The following ADGRB3 variants were observed in gnomAD, a reference collection of about 807,000 sequenced individuals.
ADGRB3 encodes the protein brain-specific angiogenesis inhibitor 3.
A neutral mutation model predicts 193.4 loss-of-function variants in ADGRB3; 37 were observed. The observed-to-expected ratio is 0.19, with a 90% CI of 0.15 to 0.25. ADGRB3 has a LOEUF of 0.25. Ranked by LOEUF, ADGRB3 falls within the 10% of genes least tolerant of loss-of-function variation. The pLI is 1.00. For synonymous variants in ADGRB3, 690 were observed against 644.2 expected (o/e 1.07, Z -1.08); for missense variants, 1,637 against 1,852.9 (o/e 0.88, Z 2.14).
intron 6 of ADGRB3, among the ~76,000 whole-genome samples, chr6:68,953,957 G>T (rs1265711087): frequency 6.6e-6 from 1 of 152,204 alleles, no homozygotes; most frequent in South Asian, 2.1e-4. Context: ...TTGGAAAAAA[G>T]TAGACATCCA....
chr6:69,341,874 A>G (rs1324258355), intron 26 of ADGRB3, among the ~76,000 whole-genome samples: 1 of 152,146 alleles, frequency 6.6e-6, no homozygotes, highest in Non-Finnish European at 1.5e-5. Context: ...AGAAGATACT[A>G]ATACCTTAGG....
In ADGRB3 at chr6:69,126,272, T is replaced by C. The variant is rs145776469; in HGVS notation, c.2480+50234T>C. Among the ~76,000 whole-genome samples the C allele has an allele frequency of 3.8e-3, 583 of 151,686 alleles. 2 individuals carry two copies. Among genetic ancestry groups the C allele is most frequent in the African/African-American group, 5.1e-3 (210 of 41,386 alleles). On this transcript the variant is annotated intron_variant, in intron 17 of 31. Coordinates refer to ENST00000370598, the MANE Select transcript of ADGRB3 (RefSeq NM_001704.3). ...ATACATACATACATACATACATACA[T>C]ACACACATAGATAAAGACATATGAG...
chr6:68,815,326 A>T (rs374941224), intron 3 of ADGRB3, among the ~76,000 whole-genome samples: 1 of 152,146 alleles, frequency 6.6e-6, no homozygotes, highest in African/African-American at 2.4e-5. Context: ...GGCCTTATTT[A>T]GTTTTGAATT....
At chr6:68,975,195 C>T (rs1348133520) in intron 9 of ADGRB3, 39 bp from the exon 10 acceptor site, 1 of 1,539,042 alleles carries the variant, frequency 6.5e-7, no homozygotes, top group African/African-American at 1.4e-5. Context: ...TTCAAACATC[C>T]CTATTATAAA....
chr6:68,871,806 G>T (rs556264617), intron 3 of ADGRB3, among the ~76,000 whole-genome samples: 8 of 152,140 alleles, frequency 5.3e-5, no homozygotes, highest in African/African-American at 1.4e-4. Context: ...ATTAATGAGG[G>T]TAATAATTTA....
intron 3 of ADGRB3, among the ~76,000 whole-genome samples, chr6:68,756,840 C>T (rs1280348252): frequency 6.6e-6 from 1 of 152,050 alleles, no homozygotes; most frequent in East Asian, 1.9e-4. Flanking sequence ...ATAGTGTTTC[C>T]CCCAGTGTGA....
intron 3 of ADGRB3, among the ~76,000 whole-genome samples, chr6:68,922,652 A>G (rs906272614): frequency 1.3e-5 from 2 of 152,172 alleles, no homozygotes; most frequent in African/African-American, 4.8e-5. Context: ...GACCTTAGAG[A>G]TCATGTTCCC....
rs549364509 is a variant in ADGRB3, at chr6:68,700,795, G to T, written c.757+61363G>T. Among the ~76,000 whole-genome samples, 376 of 137,980 alleles carry T rather than the reference G, an allele frequency of 2.7e-3. 3 individuals are homozygous for T. The highest frequency in any genetic ancestry group is 1.0e-2 in the African/African-American group (368 of 36,898). 90.5% of individuals were successfully genotyped at this position (137,980 alleles called of 152,430 possible). A position where few individuals can be genotyped will look rare whatever the true frequency, so the allele number is the denominator to read the frequency against. Reference sequence around the variant, plus strand: ...ATGAGAACACTTGGACACAAGAAGGGGAACATCACACACCGGGGCCTGTCG... The same window carrying T: ...ATGAGAACACTTGGACACAAGAAGGTGAACATCACACACCGGGGCCTGTCG... On this transcript the variant is annotated intron_variant, in intron 3 of 31. Coordinates refer to ENST00000370598, the MANE Select transcript of ADGRB3 (RefSeq NM_001704.3).
chr6:69,328,427 A>G (rs566747740), intron 22 of ADGRB3, among the ~76,000 whole-genome samples: 10 of 152,304 alleles, frequency 6.6e-5, no homozygotes, highest in African/African-American at 1.4e-4. Context: ...AGCTTATTTT[A>G]TAGTGGTAGA....
At chr6:69,311,644 C>T (rs922053427) in intron 20 of ADGRB3, among the ~76,000 whole-genome samples, 16 of 151,734 alleles carry the variant, frequency 1.1e-4, no homozygotes. Flanking sequence ...ATCTCACCTT[C>T]CTACCATAAA....
At chr6:68,813,782 C>T (rs1364810759) in intron 3 of ADGRB3, among the ~76,000 whole-genome samples, 2 of 152,090 alleles carry the variant, frequency 1.3e-5, no homozygotes, top group Non-Finnish European at 2.9e-5. Context: ...GTTCGATTCC[C>T]ACCTGTGAGT....
At chr6:68,649,319 T>G (rs1768290045) in intron 3 of ADGRB3, among the ~76,000 whole-genome samples, 1 of 152,144 alleles carries the variant, frequency 6.6e-6, no homozygotes, top group South Asian at 2.1e-4. Flanking sequence ...CATAACTCTT[T>G]TGGAATACAC....
chr6:69,165,392 C>T (rs1218569135), intron 17 of ADGRB3, among the ~76,000 whole-genome samples: 2 of 151,928 alleles, frequency 1.3e-5, no homozygotes, highest in Admixed American at 6.6e-5. Flanking sequence ...TATCTTCTCC[C>T]GCGGCAGCCA....
chr6:69,288,243 T>C (rs1487179240), intron 20 of ADGRB3, among the ~76,000 whole-genome samples: 1 of 152,128 alleles, frequency 6.6e-6, no homozygotes, highest in Non-Finnish European at 1.5e-5. Flanking sequence ...TTCCCCTCCC[T>C]GTGTCCATGT....
rs190116501 is a variant in ADGRB3, at chr6:68,932,502, A to C, written c.868+1833A>C. On this transcript the variant is annotated intron_variant, in intron 4 of 31. Coordinates refer to ENST00000370598, the MANE Select transcript of ADGRB3 (RefSeq NM_001704.3). ...ATTTATTCTTTTATTTTAACCAAAT[A>C]TAGTATAGACAAACATAAATACATG... Among the ~76,000 whole-genome samples the C allele has an allele frequency of 4.7e-4, 72 of 152,230 alleles. 1 individual carries two copies. The highest frequency in any genetic ancestry group is 1.4e-3 in the Admixed American group (22 of 15,286).
chr6:69,245,923 A>G (rs1766490217), intron 20 of ADGRB3, among the ~76,000 whole-genome samples: 1 of 152,174 alleles, frequency 6.6e-6, no homozygotes, highest in Admixed American at 6.6e-5. Context: ...GATGAATGAA[A>G]TAAATTTGAA....
chr6:69,040,359 T>TTC (rs1168594780), intron 13 of ADGRB3, among the ~76,000 whole-genome samples: 2 of 53,758 alleles, frequency 3.7e-5, no homozygotes, highest in Non-Finnish European at 7.9e-5. Flanking sequence ...CTTTCTTTCT[T>TTC]TCTTTCTTTC....
intron 22 of ADGRB3, among the ~76,000 whole-genome samples, chr6:69,329,066 A>G (rs1367597238): frequency 1.0e-5 from 1 of 98,122 alleles, no homozygotes; most frequent in Non-Finnish European, 2.2e-5. Context: ...CTGAATCTCT[A>G]TTAGTATATC....
chr6:69,169,133 C>A (rs1012138104), intron 17 of ADGRB3, among the ~76,000 whole-genome samples: 1 of 151,746 alleles, frequency 6.6e-6, no homozygotes, highest in Non-Finnish European at 1.5e-5. Context: ...ACAGATATAC[C>A]TTAAAAAAAG....
Sources: allele counts gnomAD v4.1 joint callset (sites outside exome capture counted in the v4.1 genomes callset), GRCh38; gene constraint gnomAD v4.1.1; transcripts MANE v1.5; gene names NCBI Gene and HGNC (gene_info 2026-07-23, HGNC 2026-07-21).